LVRN: variants seen among roughly 807,000 people sequenced by gnomAD.
LVRN encodes laeverin, also known as aminopeptidase Q.
A neutral mutation model predicts 111.4 loss-of-function variants in LVRN; 99 were observed. That is an observed-to-expected ratio of 0.89 (90% confidence interval 0.76 to 1.05). The LOEUF (loss-of-function observed/expected upper bound fraction) is 1.05. Ranked by LOEUF, LVRN falls within the 50% of genes least tolerant of loss-of-function variation. The pLI is 0.00. For synonymous variants in LVRN, 488 were observed against 449.5 expected, an observed-to-expected ratio of 1.09 and a Z score of -1.08; for missense variants, 1,414 against 1,206.8, an observed-to-expected ratio of 1.17 and a Z score of -2.54.
At chr5:116,009,111 C>T (rs186407396) in intron 13 of LVRN, among the ~76,000 whole-genome samples, 69 of 152,296 alleles carry the variant, frequency 4.5e-4, no homozygotes, top group Admixed American at 1.4e-3. Context: ...TGCTCATTTA[C>T]CATTCTGTAA....
chr5:116,006,033 T>G (rs1748367134), intron 13 of LVRN, 66 bp downstream of exon 13: 1 of 1,298,274 alleles, frequency 7.7e-7, no homozygotes, highest in Non-Finnish European at 1.1e-6. Flanking sequence ...AATAATAGCT[T>G]CATCACTATG....
intron 1 of LVRN, among the ~76,000 whole-genome samples, chr5:115,965,085 T>C (rs1348614190): frequency 6.6e-6 from 1 of 152,198 alleles, no homozygotes; most frequent in Non-Finnish European, 1.5e-5. Flanking sequence ...GGAATAGATA[T>C]AATAACTGTC....
intron 2 of LVRN, 26 bp from the exon 3 acceptor site, chr5:115,984,544 A>T: frequency 1.2e-6 from 2 of 1,611,182 alleles, no homozygotes; most frequent in Non-Finnish European, 1.7e-6. Flanking sequence ...ATTTGCTGTG[A>T]TTTGAACTAA....
intron 1 of LVRN, among the ~76,000 whole-genome samples, chr5:115,966,835 G>A (rs1370599471): frequency 1.3e-5 from 2 of 152,150 alleles, no homozygotes. Context: ...TATTTTAGCT[G>A]TCCTGATAGG....
chr5:115,975,394 C>T (rs1177162200), intron 1 of LVRN: 1 of 211,702 alleles, frequency 4.7e-6, no homozygotes, highest in Non-Finnish European at 9.4e-6. Flanking sequence ...TCCATCTCCA[C>T]CACCGTATAA....
At chr5:116,025,026 G>A (rs1748832751) in intron 19 of LVRN, among the ~76,000 whole-genome samples, 1 of 151,966 alleles carries the variant, frequency 6.6e-6, no homozygotes, top group Admixed American at 6.6e-5. Flanking sequence ...TCAAGCACAC[G>A]TGAAGCCCAC....
chr5:115,973,804 C>A (rs1254158114), intron 1 of LVRN, among the ~76,000 whole-genome samples: 5 of 151,864 alleles, frequency 3.3e-5, no homozygotes, highest in Non-Finnish European at 7.4e-5. Flanking sequence ...GAGCTGGAGC[C>A]CTTATCTAGT....
intron 6 of LVRN, among the ~76,000 whole-genome samples, chr5:115,997,138 T>G (rs574620750): frequency 8.5e-5 from 13 of 152,248 alleles, no homozygotes; most frequent in African/African-American, 3.1e-4. Context: ...ATCATGAAAA[T>G]TAATTTAGTA....
chr5:116,012,024 T>G (rs1748501062), intron 14 of LVRN, among the ~76,000 whole-genome samples: 1 of 152,146 alleles, frequency 6.6e-6, no homozygotes, highest in African/African-American at 2.4e-5. Context: ...TTCTCTATTT[T>G]GAACATAACT....
At chr5:115,972,644 G>A (rs1190460419) in intron 1 of LVRN, among the ~76,000 whole-genome samples, 1 of 151,886 alleles carries the variant, frequency 6.6e-6, no homozygotes, top group Non-Finnish European at 1.5e-5. Flanking sequence ...GAAAAAGTAA[G>A]TAAAGATATT....
intron 1 of LVRN, chr5:115,975,777 G>A (rs1460646321): frequency 4.6e-5 from 7 of 152,642 alleles, no homozygotes; most frequent in Admixed American, 4.6e-4. Context: ...ATTAAAATTT[G>A]CCTTCCTCCG....
Position 115,985,899 on chromosome 5 carries a change from C to T in LVRN, c.978+1190C>T, listed in dbSNP as rs10213875. Among the ~76,000 whole-genome samples, 343 of 152,296 alleles carry T rather than the reference C, an allele frequency of 2.3e-3. 1 individual carries two copies. Among genetic ancestry groups the T allele is most frequent in the African/African-American group, 7.5e-3 (310 of 41,570 alleles). On this transcript the variant is annotated intron_variant, in intron 3 of 19. Coordinates refer to ENST00000357872, the MANE Select transcript of LVRN (RefSeq NM_173800.5). ...CTGAGAAAAATCAGGCCCTATAGCTCGCTAACATACTCTCCTGGGCCCAAG... is the reference window on the plus strand; with the variant it reads ...CTGAGAAAAATCAGGCCCTATAGCTTGCTAACATACTCTCCTGGGCCCAAG...
chr5:116,012,341 G>T, intron 14 of LVRN, 33 bp from the exon 15 acceptor site: 1 of 1,196,218 alleles, frequency 8.4e-7, no homozygotes, highest in South Asian at 1.3e-5. Context: ...TTGCAAGCCA[G>T]AACTAACAGT....
At chr5:115,973,498 G>C (rs185111905) in intron 1 of LVRN, among the ~76,000 whole-genome samples, 2 of 152,018 alleles carry the variant, frequency 1.3e-5, no homozygotes, top group African/African-American at 4.8e-5. Context: ...TTCTTTAACC[G>C]TCTGATTGAA....
Position 116,026,565 on chromosome 5 carries a change from A to G in LVRN, c.*447A>G, listed in dbSNP as rs572959808. The G allele has an allele frequency of 2.7e-5, 5 of 183,292 alleles. No individual in the cohort carries two copies. In the South Asian group the frequency reaches 5.9e-4, roughly 21 times the overall value. The allele number at this position is 183,292 out of a possible 1,614,324, so 11.4% of individuals were successfully genotyped here. Reference sequence around the variant, plus strand: ...TTGAAAAGACTAATGAGAAGATAACATGACAATATAAAAAGACAGAAACTC... The same window carrying G: ...TTGAAAAGACTAATGAGAAGATAACGTGACAATATAAAAAGACAGAAACTC... On this transcript the variant is annotated 3_prime_UTR_variant, in exon 20 of 20. Transcript: ENST00000357872.
At chr5:116,002,938 TTA>T in intron 11 of LVRN, 27 bp downstream of exon 11, 3 of 1,503,530 alleles carry the variant, frequency 2.0e-6, no homozygotes, top group Non-Finnish European at 2.8e-6. Flanking sequence ...AAAAACATCT[TTA>T]TATATATGCA....
chr5:116,002,129 A>G (rs1006451588), intron 10 of LVRN, among the ~76,000 whole-genome samples: 1 of 152,214 alleles, frequency 6.6e-6, no homozygotes, highest in African/African-American at 2.4e-5. Context: ...TTCTCCCTGT[A>G]CTACTCTGTG....
chr5:115,990,400 ATTTC>A (rs775367503), intron 4 of LVRN, among the ~76,000 whole-genome samples: 3 of 152,038 alleles, frequency 2.0e-5, no homozygotes, highest in Non-Finnish European at 2.9e-5. Context: ...TGTTTGAAGT[ATTTC>A]TTTGGTGCAT....
At chr5:116,000,404 C>G in intron 7 of LVRN, 29 bp from the exon 8 acceptor site, 1 of 1,610,812 alleles carries the variant, frequency 6.2e-7, no homozygotes, top group East Asian at 2.2e-5. Context: ...GAATTTTGTT[C>G]AAATAATGGA....
Sources: gnomAD v4.1 joint callset for allele counts (sites outside exome capture counted in the v4.1 genomes callset) on GRCh38, gnomAD v4.1.1 for gene constraint, MANE v1.5 for transcripts, NCBI Gene and HGNC (gene_info 2026-07-23, HGNC 2026-07-21) for gene names.